CASZ1: variants seen among roughly 807,000 people sequenced by gnomAD.
CASZ1 encodes the protein castor zinc finger 1.
A neutral mutation model predicts 135.2 loss-of-function variants in CASZ1; 28 were observed. The ratio of observed to expected loss-of-function variants is 0.21; its 90% confidence interval spans 0.15 to 0.28. CASZ1 has a LOEUF of 0.28. CASZ1 is among the 10% of genes least tolerant of loss of function. The pLI is 1.00. For missense variants in CASZ1, 2,161 were observed against 2,453.3 expected, an observed-to-expected ratio of 0.88 and a Z score of 2.52; for synonymous variants, 1,068 against 1,073.4, an observed-to-expected ratio of 0.99 and a Z score of 0.10.
intron 4 of CASZ1, among the ~76,000 whole-genome samples, chr1:10,684,736 T>C (rs1050972572): frequency 1.3e-5 from 2 of 152,174 alleles, no homozygotes; most frequent in African/African-American, 4.8e-5. Flanking sequence ...GGAGTCTAAC[T>C]CGCATCTGCT....
At chr1:10,730,469 T>C (rs149161841) in intron 2 of CASZ1, among the ~76,000 whole-genome samples, 45 of 152,344 alleles carry the variant, frequency 3.0e-4, no homozygotes, top group Non-Finnish European at 5.6e-4. Flanking sequence ...TCGAGTCCAA[T>C]GCCTGTCTGA....
chr1:10,732,342 T>A (rs201261558), intron 2 of CASZ1, among the ~76,000 whole-genome samples: 110 of 137,746 alleles, frequency 8.0e-4, no homozygotes, highest in Admixed American at 1.4e-3. Context: ...AAAAAGAAAA[T>A]ATATATATAT....
chr1:10,769,198 G>A (rs1363780594), intron 1 of CASZ1, among the ~76,000 whole-genome samples: 1 of 152,158 alleles, frequency 6.6e-6, no homozygotes, highest in African/African-American at 2.4e-5. Flanking sequence ...GCCACGCTAT[G>A]GACCACTATG....
chr1:10,746,623 C>T (rs1281854826), intron 2 of CASZ1, among the ~76,000 whole-genome samples: 1 of 152,230 alleles, frequency 6.6e-6, no homozygotes. Flanking sequence ...AGAACCAAGA[C>T]AGCACCTTGC....
At chr1:10,669,403 A>G (rs979338856) in intron 4 of CASZ1, among the ~76,000 whole-genome samples, 5 of 152,220 alleles carry the variant, frequency 3.3e-5, no homozygotes, top group Non-Finnish European at 5.9e-5. Context: ...GATGGGTAAA[A>G]TGGTGCAGCA....
At chr1:10,675,859 C>T (rs927057676) in intron 4 of CASZ1, among the ~76,000 whole-genome samples, 2 of 149,292 alleles carry the variant, frequency 1.3e-5, no homozygotes, top group Non-Finnish European at 3.0e-5. Flanking sequence ...TCCCCAGCGG[C>T]AAAGTCCTCT....
At position 10,643,022 on chromosome 1, in the gene CASZ1, T is replaced by C. The variant is rs370322085; in HGVS notation, c.4021-22A>G. On this transcript the variant is annotated intron_variant, in intron 19 of 20. Coordinates refer to ENST00000377022, the MANE Select transcript of CASZ1 (RefSeq NM_001079843.3). Reference sequence around the variant, plus strand: ...GGCCCTGAAAGGACACGGGGGTCCCTGAGGAAGTGGGGCTGTGGGGTATGC... The same window carrying C: ...GGCCCTGAAAGGACACGGGGGTCCCCGAGGAAGTGGGGCTGTGGGGTATGC... 321 of 1,609,024 alleles carry C rather than the reference T, an allele frequency of 2.0e-4. 1 individual carries two copies. Among genetic ancestry groups the C allele is most frequent in the African/African-American group, 1.4e-3 (104 of 74,918 alleles).
At chr1:10,786,796 C>T (rs561092026) in intron 1 of CASZ1, among the ~76,000 whole-genome samples, 4 of 152,258 alleles carry the variant, frequency 2.6e-5, no homozygotes, top group African/African-American at 9.6e-5. Flanking sequence ...TAAAGCACAC[C>T]CCATATCCTG....
intron 3 of CASZ1, among the ~76,000 whole-genome samples, chr1:10,702,945 GGAGAGAGAGGGAGAGGCAGA>G (rs1233351953): frequency 6.8e-6 from 1 of 146,040 alleles, no homozygotes; most frequent in Non-Finnish European, 1.5e-5. Flanking sequence ...TAGATGAAAA[GGAGAGAGAGGGAGAGGCAGA>G]GAGAGAGAGA....
At chr1:10,784,380 C>T (rs1465565486) in intron 1 of CASZ1, among the ~76,000 whole-genome samples, 1 of 152,170 alleles carries the variant, frequency 6.6e-6, no homozygotes, top group Non-Finnish European at 1.5e-5. Context: ...CCTGAGCTGC[C>T]CAGCACAGGA....
intron 5 of CASZ1, among the ~76,000 whole-genome samples, chr1:10,663,265 G>A (rs940314226): frequency 2.0e-5 from 3 of 152,174 alleles, no homozygotes; most frequent in African/African-American, 7.2e-5. Flanking sequence ...GACTGGGCCT[G>A]GGGAGGGGAG....
chr1:10,776,739 G>A lies in CASZ1; in HGVS notation c.-233-15882C>T, dbSNP rs1306536625. 1.3e-5 allele frequency among the ~76,000 whole-genome samples: 2 copies of A among 152,196 alleles called. No individual in the cohort carries two copies. The highest frequency in any genetic ancestry group is 2.9e-5 in the Non-Finnish European group (2 of 68,026). ...TGCGGACTCCAGACGGTGGCAAGAA[G>A]CTCCAGCCATCCTGAAGTAGGAAGG... On this transcript the variant is annotated intron_variant, in intron 1 of 20. Transcript: ENST00000377022. This position sits in a 1 kb window ranked among gnomAD's most constrained non-coding sequence, Gnocchi z 4.1.
At position 10,755,135 on chromosome 1, in the gene CASZ1, G is replaced by A. The variant is rs966842471; in HGVS notation, c.-77+5566C>T. On this transcript the variant is annotated intron_variant, in intron 2 of 20. Transcript: ENST00000377022. This position sits in a 1 kb window ranked among gnomAD's most constrained non-coding sequence, Gnocchi z 4.3. ...AAGCGGCAGTGGTGTGGGTGGGAAC[G>A]TGGCAGCATCCAGGGGTCCCGCGGA... is the stretch of plus-strand genomic sequence containing the variant. Among the ~76,000 whole-genome samples the A allele has an allele frequency of 3.9e-5, 6 of 152,340 alleles. No homozygotes were observed. Among genetic ancestry groups the A allele is most frequent in the East Asian group, 1.9e-4 (1 of 5,172 alleles).
At chr1:10,702,944 A>C (rs1639093894) in intron 3 of CASZ1, among the ~76,000 whole-genome samples, 2 of 147,908 alleles carry the variant, frequency 1.4e-5, no homozygotes. Context: ...GTAGATGAAA[A>C]GGAGAGAGAG....
chr1:10,773,418 G>A (rs1463642132), intron 1 of CASZ1, among the ~76,000 whole-genome samples: 2 of 151,862 alleles, frequency 1.3e-5, no homozygotes, highest in African/African-American at 2.4e-5. Context: ...CGGGGGTGGA[G>A]CTGGCCTGGG....
rs1420257364 is a variant in CASZ1, at chr1:10,654,236, A to G, written c.1839-18T>C. 4 of 1,612,176 alleles carry G rather than the reference A, an allele frequency of 2.5e-6. No homozygotes were observed. Among genetic ancestry groups the G allele is most frequent in the Non-Finnish European group, 3.4e-6 (4 of 1,178,970 alleles). The stretch of plus-strand genomic sequence containing the variant: ...CGGGGCGCCTGGATGGGACATTGGG[A>G]GCCTGTCATGAGACCCAGAGGAGGC... On this transcript the variant is annotated intron_variant, in intron 10 of 20. Coordinates refer to ENST00000377022, the MANE Select transcript of CASZ1 (RefSeq NM_001079843.3).
chr1:10,673,271 G>A (rs1025285739), intron 4 of CASZ1, among the ~76,000 whole-genome samples: 12 of 152,150 alleles, frequency 7.9e-5, no homozygotes, highest in African/African-American at 2.9e-4. Flanking sequence ...AACATCCAAC[G>A]TCCTTCTGTC....
intron 2 of CASZ1, among the ~76,000 whole-genome samples, chr1:10,716,573 C>A (rs1273920898): frequency 6.6e-6 from 1 of 152,224 alleles, no homozygotes. Flanking sequence ...GGAAGGGGCT[C>A]CCCAAGCGAG....
Position 10,739,360 on chromosome 1 carries a change from GC to G in CASZ1, c.-77+21340del, listed in dbSNP as rs1050510607. Among the ~76,000 whole-genome samples, 1 of 152,116 alleles carries G rather than the reference GC, an allele frequency of 6.6e-6. No homozygotes were observed. Among genetic ancestry groups the G allele is most frequent in the African/African-American group, 2.4e-5 (1 of 41,412 alleles). On this transcript the variant is annotated intron_variant, in intron 2 of 20. Coordinates refer to ENST00000377022, the MANE Select transcript of CASZ1 (RefSeq NM_001079843.3). This position sits in a 1 kb window ranked among gnomAD's most constrained non-coding sequence, Gnocchi z 4.8. ...CACCGCGAGGGAAACCCTCCCAGGG[GC>G]CCGGGCCCAGGGTGGCCACGGTGAG...
Sources: allele counts gnomAD v4.1 joint callset (sites outside exome capture counted in the v4.1 genomes callset), GRCh38; gene constraint gnomAD v4.1.1; non-coding constraint Gnocchi (gnomAD v3.1); transcripts MANE v1.5; gene names NCBI Gene and HGNC (gene_info 2026-07-23, HGNC 2026-07-21).